SKIC3: variants seen among roughly 807,000 people sequenced by gnomAD.
The protein encoded by SKIC3 is superkiller complex protein 3.
chr5:95,500,702 C>T, the SKIC3 span, among the ~76,000 whole-genome samples: 141 of 152,136 alleles, frequency 9.3e-4, no homozygotes, highest in Non-Finnish European at 9.4e-4. Context: ...ATCTAACATC[C>T]GTTAATATCT....
At chr5:95,540,697 T>G in the SKIC3 span, 3 of 1,614,108 alleles carry the variant, frequency 1.9e-6, no homozygotes, top group Non-Finnish European at 8.5e-7. Flanking sequence ...TACCAATTGC[T>G]GAGTTTCATT....
chr5:95,551,166 G>A, the SKIC3 span, among the ~76,000 whole-genome samples: 2 of 152,036 alleles, frequency 1.3e-5, no homozygotes, highest in African/African-American at 4.8e-5. Context: ...TTTTTTTAAT[G>A]TTAACAATGC....
At chr5:95,553,507 C>T in the SKIC3 span, among the ~76,000 whole-genome samples, 1 of 152,092 alleles carries the variant, frequency 6.6e-6, no homozygotes, top group African/African-American at 2.4e-5. Flanking sequence ...CTTGGTTTTG[C>T]TTCCCTGAAA....
chr5:95,543,292 G>A, the SKIC3 span: 1 of 1,613,920 alleles, frequency 6.2e-7, no homozygotes, highest in East Asian at 2.2e-5. Flanking sequence ...TAAAAACCCA[G>A]GCATTATAGT....
chr5:95,517,414 CA>C, the SKIC3 span: 4 of 1,416,710 alleles, frequency 2.8e-6, no homozygotes, highest in South Asian at 3.7e-5. Flanking sequence ...AAAAACTGTA[CA>C]TTAAGTACTT....
the SKIC3 span, among the ~76,000 whole-genome samples, chr5:95,515,815 A>C: frequency 7.8e-3 from 1,190 of 152,240 alleles, 17 homozygotes; most frequent in African/African-American, 0.027. Flanking sequence ...AGATTTATGG[A>C]AACTTTCCAA....
At chr5:95,528,103 CT>C in the SKIC3 span, 3 of 1,613,832 alleles carry the variant, frequency 1.9e-6, no homozygotes, top group South Asian at 3.3e-5. Flanking sequence ...AAAGATTCCT[CT>C]GATAAAGACT....
At chr5:95,469,464 CTG>C in the SKIC3 span, among the ~76,000 whole-genome samples, 1 of 152,220 alleles carries the variant, frequency 6.6e-6, no homozygotes, top group Non-Finnish European at 1.5e-5. Flanking sequence ...CCACATCACA[CTG>C]TTGGTGCCTC....
the SKIC3 span, among the ~76,000 whole-genome samples, chr5:95,537,314 C>G: frequency 6.6e-6 from 1 of 152,182 alleles, no homozygotes; most frequent in Non-Finnish European, 1.5e-5. Context: ...GGAATGCATT[C>G]TAACTCCAAC....
chr5:95,533,332 G>C, the SKIC3 span, among the ~76,000 whole-genome samples: 2 of 152,154 alleles, frequency 1.3e-5, no homozygotes, highest in Admixed American at 6.5e-5. Context: ...CTGCTGTGAA[G>C]TAGCAAATTC....
chr5:95,481,563 T>G, the SKIC3 span, among the ~76,000 whole-genome samples: 1 of 152,194 alleles, frequency 6.6e-6, no homozygotes, highest in Non-Finnish European at 1.5e-5. Flanking sequence ...TTTGACAATG[T>G]ATTTCTCCCT....
At chr5:95,551,033 AG>A in the SKIC3 span, among the ~76,000 whole-genome samples, 1 of 152,136 alleles carries the variant, frequency 6.6e-6, no homozygotes, top group African/African-American at 2.4e-5. Flanking sequence ...CAGACAACTA[AG>A]GGTACTTATT....
At chr5:95,522,032 G>A in the SKIC3 span, 1 of 1,612,596 alleles carries the variant, frequency 6.2e-7, no homozygotes, top group Non-Finnish European at 8.5e-7. Context: ...AAAAGTCAAA[G>A]GAGCTACTAA....
chr5:95,490,188 A>C, the SKIC3 span, among the ~76,000 whole-genome samples: 1 of 152,002 alleles, frequency 6.6e-6, no homozygotes, highest in Non-Finnish European at 1.5e-5. Flanking sequence ...CCCAGGAGGA[A>C]TCATGGGACA....
chr5:95,517,184 T>G, the SKIC3 span: 1 of 1,613,408 alleles, frequency 6.2e-7, no homozygotes, highest in Non-Finnish European at 8.5e-7. Context: ...TCTTTAATAC[T>G]TGTTTTCCTT....
At chr5:95,527,584 G>A in the SKIC3 span, among the ~76,000 whole-genome samples, 8 of 151,958 alleles carry the variant, frequency 5.3e-5, no homozygotes, top group Non-Finnish European at 7.4e-5. Context: ...CTAAGAAATC[G>A]GTTTCATTAT....
At chr5:95,532,965 G>C in the SKIC3 span, among the ~76,000 whole-genome samples, 1 of 152,008 alleles carries the variant, frequency 6.6e-6, no homozygotes, top group Admixed American at 6.6e-5. Context: ...AACTTAGCTT[G>C]AGGGGGGAAA....
At chr5:95,553,708 C>T in the SKIC3 span, among the ~76,000 whole-genome samples, 1 of 152,094 alleles carries the variant, frequency 6.6e-6, no homozygotes, top group African/African-American at 2.4e-5. Flanking sequence ...TACAGGCGCC[C>T]GCCACCACGC....
the SKIC3 span, chr5:95,514,717 A>G: frequency 2.7e-6 from 2 of 739,652 alleles, no homozygotes; most frequent in African/African-American, 3.6e-5. Flanking sequence ...GAAATAGTGT[A>G]TACAAAGAGC....
Sources: allele counts gnomAD v4.1 joint callset (sites outside exome capture counted in the v4.1 genomes callset), GRCh38; gene constraint gnomAD v4.1.1; transcripts MANE v1.5; gene names NCBI Gene and HGNC (gene_info 2026-07-23, HGNC 2026-07-21).